The following ZNF585B variants were observed in gnomAD, a reference collection of about 807,000 sequenced individuals.
The protein encoded by ZNF585B is zinc finger protein 41-like protein.
Under a neutral mutation model 14.0 loss-of-function variants are expected in ZNF585B, and 7 were observed. The observed-to-expected ratio is 0.50, with a 90% CI of 0.28 to 0.94. The LOEUF (loss-of-function observed/expected upper bound fraction) is 0.94. Among genes scored for constraint, ZNF585B ranks in the 40% least tolerant of loss-of-function variants. The pLI is 0.09. For missense variants in ZNF585B, 750 were observed against 924.4 expected, an observed-to-expected ratio of 0.81 and a Z score of 2.45; for synonymous variants, 290 against 317.3, an observed-to-expected ratio of 0.91 and a Z score of 0.91.
intron 2 of ZNF585B, among the ~76,000 whole-genome samples, chr19:37,206,094 A>T (rs981347002): frequency 4.6e-5 from 7 of 151,556 alleles, no homozygotes; most frequent in African/African-American, 1.7e-4. Flanking sequence ...ATAAATAAAT[A>T]AATAAATAAT....
At chr19:37,191,923 A>T (rs1240939291) in intron 2 of ZNF585B, among the ~76,000 whole-genome samples, 1 of 152,000 alleles carries the variant, frequency 6.6e-6, no homozygotes, top group East Asian at 1.9e-4. Context: ...CCAGCTACTC[A>T]GGAGGCTTAG....
chr19:37,197,119 A>T (rs1972474813), intron 2 of ZNF585B, among the ~76,000 whole-genome samples: 1 of 151,902 alleles, frequency 6.6e-6, no homozygotes, highest in African/African-American at 2.4e-5. Context: ...TCCTAATGCT[A>T]TCCCTCTCCC....
Position 37,185,670 on chromosome 19 carries a change from C to A in ZNF585B, c.1867G>T (p.Val623Leu), listed in dbSNP as rs1349061841. 10 of 1,612,652 alleles carry A rather than the reference C, an allele frequency of 6.2e-6. No individual in the cohort carries two copies. The highest frequency in any genetic ancestry group is 3.3e-4 in the Middle Eastern group (2 of 6,060). The change falls in exon 5 of 5, where the codon GTG becomes TTG. Residue 623 changes from valine (V) to leucine (L), a missense_variant. This residue lies in a region of ZNF585B where 233 missense variants were observed against 354.1 expected (regional missense o/e 0.66). Transcript: ENST00000532828. ...TCTCCTGTGTGAACTGGCTGATGCA[C>A]CAGGAGCTGAGACTTGGAGGTAAAG... ...KSFTSKSQLL[V>L]HQPVHTGEKP... is the part of the protein sequence containing the mutation.
Position 37,207,170 on chromosome 19 carries a change from T to A in ZNF585B, c.-59A>T. ...GTGCCTGAAGTTTAGTGGTCATCTGTGAACTCAGCAGAGCTGCTCCGAAGA... is the reference window on the plus strand; with the variant it reads ...GTGCCTGAAGTTTAGTGGTCATCTGAGAACTCAGCAGAGCTGCTCCGAAGA... On this transcript the variant is annotated 5_prime_UTR_variant, in exon 2 of 5. Transcript: ENST00000532828. The A allele has an allele frequency of 6.2e-7, 1 of 1,610,708 alleles. No individual in the cohort carries two copies. The highest frequency in any genetic ancestry group is 1.1e-5 in the South Asian group (1 of 90,976).
rs374663296 is a variant in ZNF585B at position 37,202,291 on chromosome 19, C to T, written c.72+4749G>A. Reference sequence around the variant, plus strand: ...GTGCTAGGATTATAGGCGTGAGCCACGGCACCCGGCCTCATCTACTCTTGA... The same window carrying T: ...GTGCTAGGATTATAGGCGTGAGCCATGGCACCCGGCCTCATCTACTCTTGA... On this transcript the variant is annotated intron_variant, in intron 2 of 4. Coordinates refer to ENST00000532828, the MANE Select transcript of ZNF585B (RefSeq NM_152279.4). 7.2e-5 allele frequency among the ~76,000 whole-genome samples: 11 copies of T among 152,326 alleles called. No individual in the cohort carries two copies. In the South Asian group the frequency reaches 1.0e-3, roughly 14 times the overall value.
intron 4 of ZNF585B, among the ~76,000 whole-genome samples, chr19:37,188,947 T>C (rs1223331281): frequency 1.4e-4 from 21 of 152,002 alleles, no homozygotes; most frequent in Admixed American, 1.4e-3. Context: ...TTTTTTTTTT[T>C]TTCTTTTTCA....
At chr19:37,192,123 A>C (rs1436606205) in intron 2 of ZNF585B, among the ~76,000 whole-genome samples, 2 of 152,218 alleles carry the variant, frequency 1.3e-5, no homozygotes, top group South Asian at 2.1e-4. Context: ...ATTTAGGACC[A>C]GTCATTATGC....
chr19:37,207,219 G>A lies in ZNF585B; in HGVS notation c.-108C>T. The A allele has an allele frequency of 6.4e-7, 1 of 1,551,910 alleles. No homozygotes were observed. Among genetic ancestry groups the A allele is most frequent in the Middle Eastern group, 1.7e-4 (1 of 5,888 alleles). On this transcript the variant is annotated 5_prime_UTR_variant, in exon 2 of 5. Coordinates refer to ENST00000532828, the MANE Select transcript of ZNF585B (RefSeq NM_152279.4). The stretch of plus-strand genomic sequence containing the variant: ...GAGGTGGGCTGGAGTCTGGAGGAAG[G>A]TCTGGCCCAGGGACTCCCCAGAGAC...
chr19:37,197,346 T>C (rs1174285004), intron 2 of ZNF585B, among the ~76,000 whole-genome samples: 1 of 152,204 alleles, frequency 6.6e-6, no homozygotes, highest in African/African-American at 2.4e-5. Flanking sequence ...TTCCATGGTG[T>C]ATATGTGCCA....
intron 4 of ZNF585B, among the ~76,000 whole-genome samples, chr19:37,188,261 C>T (rs1464374705): frequency 3.3e-5 from 5 of 151,578 alleles, no homozygotes; most frequent in Non-Finnish European, 5.9e-5. Flanking sequence ...CTGAGGCGGG[C>T]GGATCACCTG....
Position 37,184,606 on chromosome 19 carries a change from G to A in ZNF585B, c.*621C>T, listed in dbSNP as rs1972310496. 2 of 164,998 alleles carry A rather than the reference G, an allele frequency of 1.2e-5. No individual in the cohort carries two copies. Among genetic ancestry groups the A allele is most frequent in the African/African-American group, 4.8e-5 (2 of 42,034 alleles). 10.2% of individuals were successfully genotyped at this position (164,998 alleles called of 1,614,324 possible). A position where few individuals can be genotyped will look rare whatever the true frequency, so the allele number is the denominator to read the frequency against. On this transcript the variant is annotated 3_prime_UTR_variant, in exon 5 of 5. Transcript: ENST00000532828. ...GAGAGTCCTGGCAGATAATGAAGGG[G>A]ACTGTAAGTCTTTTTCTATGACAAT...
chr19:37,204,003 T>C (rs987299662), intron 2 of ZNF585B, among the ~76,000 whole-genome samples: 1 of 152,228 alleles, frequency 6.6e-6, no homozygotes. Context: ...AAGATTTATA[T>C]TTTTTATCTG....
At position 37,184,727 on chromosome 19, in the gene ZNF585B, A is replaced by C; in HGVS notation, c.*500T>G. ...GCTTGATAGAAATACTCAATGGGGA[A>C]TTGGATATGCACAACTGTGTTCGAT... On this transcript the variant is annotated 3_prime_UTR_variant, in exon 5 of 5. Transcript: ENST00000532828. 1 of 318,350 alleles carries C rather than the reference A, an allele frequency of 3.1e-6. No homozygotes were observed. Among genetic ancestry groups the C allele is most frequent in the East Asian group, 5.0e-5 (1 of 20,186 alleles). 19.7% of individuals were successfully genotyped at this position (318,350 alleles called of 1,614,324 possible). A position where few individuals can be genotyped will look rare whatever the true frequency, so the allele number is the denominator to read the frequency against.
chr19:37,198,245 T>G (rs147513936), intron 2 of ZNF585B, among the ~76,000 whole-genome samples: 1 of 151,976 alleles, frequency 6.6e-6, no homozygotes, highest in Non-Finnish European at 1.5e-5. Flanking sequence ...GATCTTGGCT[T>G]ACTGCAACCT....
Position 37,184,963 on chromosome 19 carries a change from G to A in ZNF585B, c.*264C>T, listed in dbSNP as rs1972315526. ...AACAGTATTCTATTGTAGTTTTCATGAGAAGGCTTTTCCTATTCACCAAAT... is the reference window on the plus strand; with the variant it reads ...AACAGTATTCTATTGTAGTTTTCATAAGAAGGCTTTTCCTATTCACCAAAT... On this transcript the variant is annotated 3_prime_UTR_variant, in exon 5 of 5. Transcript: ENST00000532828. 6.4e-6 allele frequency: 3 copies of A among 466,286 alleles called. No individual in the cohort carries two copies. Among genetic ancestry groups the A allele is most frequent in the African/African-American group, 2.0e-5 (1 of 50,858 alleles). 28.9% of individuals were successfully genotyped at this position (466,286 alleles called of 1,614,324 possible).
chr19:37,185,089 C>T lies in ZNF585B; in HGVS notation c.*138G>A. On this transcript the variant is annotated 3_prime_UTR_variant, in exon 5 of 5. Transcript: ENST00000532828. ...GCCTCATTCAGTGCCTTCTCAGAGG[C>T]CCTCTCCAGAACAGCCATGTGTGAC... is the stretch of plus-strand genomic sequence containing the variant. The T allele has an allele frequency of 2.7e-6, 3 of 1,121,398 alleles. No homozygotes were observed. Among genetic ancestry groups the T allele is most frequent in the Non-Finnish European group, 3.7e-6 (3 of 803,528 alleles). The allele number at this position is 1,121,398 out of a possible 1,614,324, so 69.5% of individuals were successfully genotyped here. A position where few individuals can be genotyped will look rare whatever the true frequency, so the allele number is the denominator to read the frequency against.
chr19:37,199,049 A>G (rs1225406907), intron 2 of ZNF585B: 2 of 1,496,290 alleles, frequency 1.3e-6, no homozygotes, highest in South Asian at 2.4e-5. Context: ...AATGGTACCT[A>G]TATACCTGAA....
At chr19:37,197,663 G>A (rs1024895028) in intron 2 of ZNF585B, among the ~76,000 whole-genome samples, 3 of 152,040 alleles carry the variant, frequency 2.0e-5, no homozygotes, top group Admixed American at 1.3e-4. Flanking sequence ...ACTTTTTAAC[G>A]ATTGCCATTC....
At chr19:37,202,651 T>C (rs530821523) in intron 2 of ZNF585B, among the ~76,000 whole-genome samples, 1 of 151,438 alleles carries the variant, frequency 6.6e-6, no homozygotes, top group Non-Finnish European at 1.5e-5. Flanking sequence ...TTTTTTTTTT[T>C]TTTTTTTTGA....
Sources: gnomAD v4.1 joint callset for allele counts (sites outside exome capture counted in the v4.1 genomes callset) on GRCh38, gnomAD v4.1.1 for gene constraint, gnomAD v4.1.1 regional missense constraint, MANE v1.5 for transcripts, NCBI Gene and HGNC (gene_info 2026-07-23, HGNC 2026-07-21) for gene names.